The following AMPH variants were observed in gnomAD, a reference collection of about 807,000 sequenced individuals.
AMPH encodes the protein amphiphysin.
In AMPH, 49 loss-of-function variants were observed where a neutral mutation model predicts 99.1. The observed-to-expected ratio is 0.49, with a 90% CI of 0.39 to 0.63. AMPH has a LOEUF of 0.63. AMPH is among the 20% of genes least tolerant of loss of function. The pLI is 0.00. For synonymous variants in AMPH, 314 were observed against 317.3 expected (o/e 0.99, Z 0.11); for missense variants, 759 against 863.4 (o/e 0.88, Z 1.52).
At chr7:38,496,794 G>C (rs1299025439) in intron 3 of AMPH, among the ~76,000 whole-genome samples, 4 of 152,004 alleles carry the variant, frequency 2.6e-5, no homozygotes, top group Non-Finnish European at 4.4e-5. Flanking sequence ...AAAAACTTCT[G>C]GCATTTTCTT....
At chr7:38,467,640 A>ATGTGTG (rs70977407) in intron 7 of AMPH, among the ~76,000 whole-genome samples, 31,836 of 148,460 alleles carry the variant, frequency 0.21, 4,339 homozygotes, top group East Asian at 0.63. Context: ...CAATGGAAAT[A>ATGTGTG]TGTGTGTGTG....
At chr7:38,441,629 A>G (rs530516819) in intron 11 of AMPH, among the ~76,000 whole-genome samples, 1 of 151,880 alleles carries the variant, frequency 6.6e-6, no homozygotes, top group African/African-American at 2.4e-5. Context: ...ACTCTATTAT[A>G]AAGACACATG....
chr7:38,463,299 T>A, intron 9 of AMPH, 186 bp from the exon 10 acceptor site: 1 of 753,228 alleles, frequency 1.3e-6, no homozygotes, highest in Non-Finnish European at 2.3e-6. Flanking sequence ...TTATTTGCAC[T>A]ACAGAGACCT....
At chr7:38,396,661 T>C (rs1784678958) in intron 17 of AMPH, among the ~76,000 whole-genome samples, 1 of 152,254 alleles carries the variant, frequency 6.6e-6, no homozygotes, top group African/African-American at 2.4e-5. Context: ...TGAAAATTCC[T>C]ATAATAAAAA....
At chr7:38,530,599 G>T (rs559121795) in intron 2 of AMPH, among the ~76,000 whole-genome samples, 8 of 152,286 alleles carry the variant, frequency 5.3e-5, no homozygotes, top group Admixed American at 3.9e-4. Flanking sequence ...AGCCCTCAAG[G>T]TATCTTCTTT....
In AMPH at chr7:38,564,980, C is replaced by A. The variant is rs60768554; in HGVS notation, c.70-29969G>T. Among the ~76,000 whole-genome samples the A allele has an allele frequency of 8.7e-3, 1,329 of 151,934 alleles. 15 individuals are homozygous for A. Among genetic ancestry groups the A allele is most frequent in the African/African-American group, 0.029 (1,217 of 41,452 alleles). ...TCTACTAAAAATACAAAAAATTAGC[C>A]GGGCGTGGTGGCGGGTGCCTGTAGT... On this transcript the variant is annotated intron_variant, in intron 1 of 20. Transcript: ENST00000356264.
At chr7:38,596,665 G>C (rs1175929561) in intron 1 of AMPH, among the ~76,000 whole-genome samples, 1 of 152,096 alleles carries the variant, frequency 6.6e-6, no homozygotes, top group Non-Finnish European at 1.5e-5. Context: ...AGAAAGGATG[G>C]GATTCTGAGC....
At position 38,476,970 on chromosome 7, in the gene AMPH, C is replaced by T; in HGVS notation, c.397-1G>A. 6.2e-7 allele frequency: 1 copy of T among 1,613,360 alleles called. No individual in the cohort carries two copies. The highest frequency in any genetic ancestry group is 8.5e-7 in the Non-Finnish European group (1 of 1,179,520). ...TCCTGCTGCGCTTGGCGATGCGATT[C>T]TGTCAACAGGAAATGCACTCACTAA... On this transcript the variant is annotated splice_acceptor_variant, in intron 5 of 20. Coordinates refer to ENST00000356264, the MANE Select transcript of AMPH (RefSeq NM_001635.4). LOFTEE classifies it high-confidence loss of function.
At chr7:38,390,963 GAGAGAGAGA>G (rs1784471182) in intron 19 of AMPH, among the ~76,000 whole-genome samples, 1 of 1,806 alleles carries the variant, frequency 5.5e-4, no homozygotes, top group African/African-American at 4.1e-3. Context: ...GACAAAGACA[GAGAGAGAGA>G]GAGAGAGAGA....
At chr7:38,438,906 T>C (rs527627381) in intron 11 of AMPH, among the ~76,000 whole-genome samples, 1 of 152,210 alleles carries the variant, frequency 6.6e-6, no homozygotes, top group African/African-American at 2.4e-5. Context: ...TTAGCAACAA[T>C]GCATACATGT....
At chr7:38,567,806 C>T (rs1249597537) in intron 1 of AMPH, among the ~76,000 whole-genome samples, 14 of 152,108 alleles carry the variant, frequency 9.2e-5, no homozygotes, top group African/African-American at 3.4e-4. Context: ...TACATCATTC[C>T]TCTAACCTCC....
At chr7:38,600,468 T>C (rs1374170595) in intron 1 of AMPH, among the ~76,000 whole-genome samples, 4 of 152,176 alleles carry the variant, frequency 2.6e-5, no homozygotes, top group South Asian at 2.1e-4. Context: ...TTAATATTAA[T>C]ATTTTTACCA....
chr7:38,398,114 A>C (rs1364344040), intron 17 of AMPH, among the ~76,000 whole-genome samples: 1 of 151,274 alleles, frequency 6.6e-6, no homozygotes, highest in Non-Finnish European at 1.5e-5. Flanking sequence ...CTCAAAAAAA[A>C]AAAAAAACAC....
At chr7:38,456,962 A>G (rs1208315421) in intron 11 of AMPH, among the ~76,000 whole-genome samples, 1 of 152,218 alleles carries the variant, frequency 6.6e-6, no homozygotes, top group Non-Finnish European at 1.5e-5. Flanking sequence ...ACCCTAAGTC[A>G]TTGAGGAAAT....
At chr7:38,576,142 C>G (rs892191786) in intron 1 of AMPH, among the ~76,000 whole-genome samples, 2 of 152,180 alleles carry the variant, frequency 1.3e-5, no homozygotes, top group African/African-American at 4.8e-5. Context: ...AATTGACAAC[C>G]AAACACCTTC....
chr7:38,612,084 C>CTTTTTTTTTTTTTTTTTTTTTTTT lies in AMPH; in HGVS notation c.69+19198_69+19199insAAAAAAAAAAAAAAAAAAAAAAAA, dbSNP rs777855014. 4.4e-5 allele frequency among the ~76,000 whole-genome samples: 4 copies of CTTTTTTTTTTTTTTTTTTTTTTTT among 90,858 alleles called. 1 individual carries two copies. The highest frequency in any genetic ancestry group is 8.9e-5 in the African/African-American group (2 of 22,434). The allele number at this position is 90,858 out of a possible 152,430, so 59.6% of individuals were successfully genotyped here. A position where few individuals can be genotyped will look rare whatever the true frequency, so the allele number is the denominator to read the frequency against. On this transcript the variant is annotated intron_variant, in intron 1 of 20. Coordinates refer to ENST00000356264, the MANE Select transcript of AMPH (RefSeq NM_001635.4). ...ACTGCTAAGACTGATTTTTTGTCTT[C>CTTTTTTTTTTTTTTTTTTTTTTTT]TTCTTTTTTTTTTTTTTTTTTTTTG... is the stretch of plus-strand genomic sequence containing the variant.
intron 5 of AMPH, among the ~76,000 whole-genome samples, chr7:38,479,179 C>A (rs1788196530): frequency 6.6e-6 from 1 of 151,956 alleles, no homozygotes; most frequent in South Asian, 2.1e-4. Context: ...AGTCAAACTA[C>A]TTAACATCAA....
intron 1 of AMPH, among the ~76,000 whole-genome samples, chr7:38,628,676 T>C (rs1014358258): frequency 6.6e-6 from 1 of 152,136 alleles, no homozygotes; most frequent in African/African-American, 2.4e-5. Context: ...CATACACACA[T>C]GGAAAAAGAT....
chr7:38,454,719 T>C (rs1037467777), intron 11 of AMPH, among the ~76,000 whole-genome samples: 2 of 152,194 alleles, frequency 1.3e-5, no homozygotes, highest in Non-Finnish European at 2.9e-5. Context: ...TCAATTTCAT[T>C]TCCTATCTCT....
Sources: allele counts gnomAD v4.1 joint callset (sites outside exome capture counted in the v4.1 genomes callset), GRCh38; gene constraint gnomAD v4.1.1; transcripts MANE v1.5; gene names NCBI Gene and HGNC (gene_info 2026-07-23, HGNC 2026-07-21).